LPCAT2: variants seen among roughly 807,000 people sequenced by gnomAD.
LPCAT2 encodes the protein 1-AGP acyltransferase 11.
LPCAT2 carries 58 observed loss-of-function variants against 64.7 expected under a neutral mutation model. That is an observed-to-expected ratio of 0.90 (90% CI 0.73 to 1.12). The LOEUF is 1.12. LPCAT2 is among the 50% of genes most tolerant of loss of function. The pLI is 0.00. For synonymous variants in LPCAT2, 252 were observed against 245.3 expected (o/e 1.03, Z -0.26); for missense variants, 579 against 669.8 (o/e 0.86, Z 1.50).
intron 11 of LPCAT2, among the ~76,000 whole-genome samples, chr16:55,571,887 T>C (rs1963774218): frequency 6.6e-6 from 1 of 152,170 alleles, no homozygotes; most frequent in African/African-American, 2.4e-5. Flanking sequence ...GAAACTTTTG[T>C]CTCATTTTTT....
At chr16:55,533,525 T>A (rs1963283625) in intron 6 of LPCAT2, among the ~76,000 whole-genome samples, 1 of 151,362 alleles carries the variant, frequency 6.6e-6, no homozygotes, top group African/African-American at 2.4e-5. Flanking sequence ...ATTCTCTCCT[T>A]TCTCAGCCTC....
chr16:55,571,585 G>A (rs1963770660), intron 11 of LPCAT2, among the ~76,000 whole-genome samples: 1 of 152,090 alleles, frequency 6.6e-6, no homozygotes, highest in African/African-American at 2.4e-5. Flanking sequence ...CAAAGAGCTG[G>A]TCTCCTTTGA....
chr16:55,522,644 A>G (rs571464837), intron 1 of LPCAT2, among the ~76,000 whole-genome samples: 1 of 151,890 alleles, frequency 6.6e-6, no homozygotes, highest in East Asian at 1.9e-4. Flanking sequence ...CAACAGATCA[A>G]TGCAACAGAA....
rs750898174 is a variant in LPCAT2, at chr16:55,579,205, C to T, written c.1411C>T (p.Leu471Phe). 6.2e-7 allele frequency: 1 copy of T among 1,613,470 alleles called. No homozygotes were observed. The highest frequency in any genetic ancestry group is 1.3e-5 in the African/African-American group (1 of 74,978). Reference protein sequence around the residue: ...LGVPDLDVSGLFKEIAQGDSI... With the variant: ...LGVPDLDVSGFFKEIAQGDSI... The stretch of plus-strand genomic sequence containing the variant: ...AGTGCCTGACCTTGATGTTTCTGGT[C>T]TCTTCAAGGAAATAGCCCAAGGGGA... Residue 471 changes from leucine to phenylalanine, a missense_variant, in exon 13 of 14, where the codon CTC (leucine) becomes TTC (phenylalanine). By Grantham distance (22) the Leu-to-Phe change is conservative. Coordinates refer to ENST00000262134, the MANE Select transcript of LPCAT2 (RefSeq NM_017839.5).
At chr16:55,514,890 TTGTGTGTGTGTGTGTGTGTGTG>T (rs35295405) in intron 1 of LPCAT2, among the ~76,000 whole-genome samples, 1 of 141,236 alleles carries the variant, frequency 7.1e-6, no homozygotes, top group Admixed American at 7.1e-5. Flanking sequence ...ATGCAATGCA[TTGTGTGTGTGTGTGTGTGTGTG>T]TGTGTGTGTG....
In LPCAT2 at chr16:55,584,466, A is replaced by G. The variant is rs1023001524; in HGVS notation, c.*1368A>G. ...TAAGCAGTAATTTTTTTGAATTGTCATTTTTAATGGGTCTCACACATGCAT... is the reference window on the plus strand; with the variant it reads ...TAAGCAGTAATTTTTTTGAATTGTCGTTTTTAATGGGTCTCACACATGCAT... On this transcript the variant is annotated 3_prime_UTR_variant, in exon 14 of 14. Transcript: ENST00000262134. 1 of 152,154 alleles carries G rather than the reference A, an allele frequency of 6.6e-6. No individual in the cohort carries two copies. Among genetic ancestry groups the G allele is most frequent in the South Asian group, 2.1e-4 (1 of 4,826 alleles). The allele number at this position is 152,154 out of a possible 1,614,324, so 9.4% of individuals were successfully genotyped here. A position where few individuals can be genotyped will look rare whatever the true frequency, so the allele number is the denominator to read the frequency against.
rs1178945233 is a variant in LPCAT2 at position 55,584,477 on chromosome 16, G to A, written c.*1379G>A. Reference sequence around the variant, plus strand: ...TTTTTTGAATTGTCATTTTTAATGGGTCTCACACATGCATATTGCTAATAT... The same window carrying A: ...TTTTTTGAATTGTCATTTTTAATGGATCTCACACATGCATATTGCTAATAT... On this transcript the variant is annotated 3_prime_UTR_variant, in exon 14 of 14. Transcript: ENST00000262134. 4 of 152,080 alleles carry A rather than the reference G, an allele frequency of 2.6e-5. No individual in the cohort carries two copies. The highest frequency in any genetic ancestry group is 9.7e-5 in the African/African-American group (4 of 41,408). The allele number at this position is 152,080 out of a possible 1,614,324, so 9.4% of individuals were successfully genotyped here. A position where few individuals can be genotyped will look rare whatever the true frequency, so the allele number is the denominator to read the frequency against.
chr16:55,574,860 A>T (rs1196102541), intron 12 of LPCAT2, 131 bp downstream of exon 12: 4 of 653,882 alleles, frequency 6.1e-6, no homozygotes, highest in Non-Finnish European at 1.1e-5. Flanking sequence ...CAGGACAATA[A>T]TGTGATTAAG....
chr16:55,545,717 G>C lies in LPCAT2; in HGVS notation c.853-18G>C. The C allele has an allele frequency of 1.3e-6, 2 of 1,514,662 alleles. No homozygotes were observed. The highest frequency in any genetic ancestry group is 1.4e-5 in the African/African-American group (1 of 72,506). 93.8% of individuals were successfully genotyped at this position (1,514,662 alleles called of 1,614,324 possible). A position where few individuals can be genotyped will look rare whatever the true frequency, so the allele number is the denominator to read the frequency against. ...TAGGCTTAAGACATTGTTATGGAAA[G>C]GTATATTTGTCTTTCAGTTTATGCC... is the stretch of plus-strand genomic sequence containing the variant. On this transcript the variant is annotated intron_variant, in intron 8 of 13. Transcript: ENST00000262134.
intron 11 of LPCAT2, chr16:55,566,921 G>T: frequency 1.2e-6 from 2 of 1,613,810 alleles, no homozygotes; most frequent in Admixed American, 3.3e-5. Flanking sequence ...CAGCAGCTCA[G>T]TATACTCCAG....
intron 12 of LPCAT2, among the ~76,000 whole-genome samples, chr16:55,575,647 GA>G (rs1402137525): frequency 2.0e-5 from 3 of 152,280 alleles, no homozygotes; most frequent in African/African-American, 7.2e-5. Context: ...GCAATTCCAA[GA>G]AGGCTTTCCC....
intron 1 of LPCAT2, among the ~76,000 whole-genome samples, chr16:55,516,195 C>T (rs1963008619): frequency 6.6e-6 from 1 of 152,174 alleles, no homozygotes; most frequent in African/African-American, 2.4e-5. Flanking sequence ...GCCTTGACCT[C>T]CTGGGCTCAA....
chr16:55,516,924 T>C (rs1963020677), intron 1 of LPCAT2, among the ~76,000 whole-genome samples: 3 of 152,306 alleles, frequency 2.0e-5, no homozygotes, highest in East Asian at 3.9e-4. Flanking sequence ...GTTAAAATAA[T>C]ACAAAGTATG....
At position 55,535,615 on chromosome 16, in the gene LPCAT2, A is replaced by C. The variant is rs539634972; in HGVS notation, c.797+1138A>C. ...TTCATTTGACTAAAATACATGTTTC[A>C]TGCCATTACTTATTTTGAATTCCTG... On this transcript the variant is annotated intron_variant, in intron 7 of 13. Transcript: ENST00000262134. 4.9e-4 allele frequency among the ~76,000 whole-genome samples: 75 copies of C among 152,344 alleles called. 2 individuals carry two copies. The South Asian group carries it at 0.014, about 29-fold the overall frequency.
intron 9 of LPCAT2, among the ~76,000 whole-genome samples, chr16:55,548,338 T>C (rs1467133048): frequency 6.6e-6 from 1 of 152,196 alleles, no homozygotes; most frequent in African/African-American, 2.4e-5. Context: ...CTAGGAGTTA[T>C]ACTTTCCCTT....
chr16:55,529,165 T>A (rs1329183958), intron 3 of LPCAT2, among the ~76,000 whole-genome samples: 4 of 152,168 alleles, frequency 2.6e-5, no homozygotes, highest in Non-Finnish European at 5.9e-5. Context: ...CCTCAAGAAT[T>A]GTCTCCAAGT....
At chr16:55,548,447 T>C (rs571396521) in intron 9 of LPCAT2, among the ~76,000 whole-genome samples, 1 of 152,344 alleles carries the variant, frequency 6.6e-6, no homozygotes, top group South Asian at 2.1e-4. Flanking sequence ...CTATAAAAGA[T>C]GAAAAACATA....
At chr16:55,516,252 G>A (rs777752518) in intron 1 of LPCAT2, among the ~76,000 whole-genome samples, 1 of 150,534 alleles carries the variant, frequency 6.6e-6, no homozygotes, top group Non-Finnish European at 1.5e-5. Flanking sequence ...CAATAGGCAT[G>A]CACCACCACA....
intron 9 of LPCAT2, among the ~76,000 whole-genome samples, chr16:55,548,516 GTTTAT>G (rs1353153595): frequency 1.3e-5 from 2 of 152,000 alleles, no homozygotes; most frequent in African/African-American, 4.8e-5. Flanking sequence ...CCATTTATCT[GTTTAT>G]TTTATTTTAT....
Sources: allele counts gnomAD v4.1 joint callset (sites outside exome capture counted in the v4.1 genomes callset), GRCh38; gene constraint gnomAD v4.1.1; transcripts MANE v1.5; gene names NCBI Gene and HGNC (gene_info 2026-07-23, HGNC 2026-07-21).